The following TSHZ2 variants were observed in gnomAD, a reference collection of about 807,000 sequenced individuals.
TSHZ2 encodes the protein teashirt homolog 2.
Under a neutral mutation model 74.4 loss-of-function variants are expected in TSHZ2, and 21 were observed. That is an observed-to-expected ratio of 0.28 (90% CI 0.20 to 0.41). The LOEUF is 0.41. Among genes scored for constraint, TSHZ2 ranks in the 10% least tolerant of loss-of-function variants. The pLI is 1.00. For missense variants in TSHZ2, 1,244 were observed against 1,293.5 expected (o/e 0.96, Z 0.59); for synonymous variants, 540 against 515.3 (o/e 1.05, Z -0.65).
At chr20:53,301,778 G>T (rs1978330045) in intron 2 of TSHZ2, among the ~76,000 whole-genome samples, 1 of 152,130 alleles carries the variant, frequency 6.6e-6, no homozygotes. Flanking sequence ...CAACTTTCAG[G>T]TTTTTAAAAA....
chr20:53,212,915 C>T (rs1182619440), intron 1 of TSHZ2, among the ~76,000 whole-genome samples: 2 of 152,032 alleles, frequency 1.3e-5, no homozygotes, highest in Non-Finnish European at 2.9e-5. Context: ...TTGGGGCTTG[C>T]GTGGCATGCT....
At chr20:53,468,388 A>G (rs1168839227) in intron 2 of TSHZ2, among the ~76,000 whole-genome samples, 1 of 152,206 alleles carries the variant, frequency 6.6e-6, no homozygotes, top group African/African-American at 2.4e-5. Context: ...TTCTGCTGCC[A>G]TTGAAATCTT....
intron 2 of TSHZ2, among the ~76,000 whole-genome samples, chr20:53,469,552 G>T (rs1985691832): frequency 9.1e-6 from 1 of 109,524 alleles, no homozygotes; most frequent in Admixed American, 1.1e-4. Context: ...AAAGAAAGAA[G>T]GAGGGAAGGA....
At chr20:53,017,729 C>T (rs6022213) in intron 1 of TSHZ2, among the ~76,000 whole-genome samples, 40,672 of 151,954 alleles carry the variant, frequency 0.27, 6,331 homozygotes, top group East Asian at 0.52. Flanking sequence ...TGACATCACC[C>T]GCTTTGGGAA....
intron 1 of TSHZ2, among the ~76,000 whole-genome samples, chr20:53,156,853 G>T (rs1405360608): frequency 1.3e-5 from 2 of 152,208 alleles, no homozygotes; most frequent in Non-Finnish European, 2.9e-5. Context: ...GTTTCTGTAG[G>T]TAGGGGGAAA....
intron 2 of TSHZ2, among the ~76,000 whole-genome samples, chr20:53,383,749 G>A (rs567711775): frequency 6.6e-6 from 1 of 152,198 alleles, no homozygotes; most frequent in South Asian, 2.1e-4. Context: ...GACAGAGTGA[G>A]ACTCCGTCTC....
chr20:53,353,437 A>G (rs1980731475), intron 2 of TSHZ2, among the ~76,000 whole-genome samples: 1 of 152,266 alleles, frequency 6.6e-6, no homozygotes, highest in Admixed American at 6.5e-5. Flanking sequence ...TCATACCTAC[A>G]TAATGTTTTA....
intron 1 of TSHZ2, among the ~76,000 whole-genome samples, chr20:53,112,559 C>T (rs1986563271): frequency 6.6e-6 from 1 of 152,144 alleles, no homozygotes; most frequent in Non-Finnish European, 1.5e-5. Flanking sequence ...GACAGAGTCT[C>T]ACTCTGTTGC....
chr20:53,431,074 G>A lies in TSHZ2; in HGVS notation c.*9-56070G>A, dbSNP rs151049192. On this transcript the variant is annotated intron_variant, in intron 2 of 2. Coordinates refer to ENST00000371497, the MANE Select transcript of TSHZ2 (RefSeq NM_173485.6). ...ATTTAGTTTTTAATTCACATTTTACGATGTGGATAACTGAAATCCAGAACA... is the reference window on the plus strand; with the variant it reads ...ATTTAGTTTTTAATTCACATTTTACAATGTGGATAACTGAAATCCAGAACA... 3.5e-3 allele frequency among the ~76,000 whole-genome samples: 525 copies of A among 152,154 alleles called. 4 individuals carry two copies. Among genetic ancestry groups the A allele is most frequent in the Middle Eastern group, 0.024 (7 of 294 alleles).
chr20:53,360,627 A>G (rs569734315), intron 2 of TSHZ2, among the ~76,000 whole-genome samples: 5 of 152,364 alleles, frequency 3.3e-5, no homozygotes, highest in African/African-American at 1.2e-4. Context: ...AGACAGTCTT[A>G]CAATGTGCTA....
At chr20:53,312,544 A>G (rs1462966484) in intron 2 of TSHZ2, among the ~76,000 whole-genome samples, 1 of 152,188 alleles carries the variant, frequency 6.6e-6, no homozygotes, top group Non-Finnish European at 1.5e-5. Flanking sequence ...ATAGAGAGGG[A>G]AATGGAGTAG....
At chr20:53,395,163 T>G (rs896701573) in intron 2 of TSHZ2, among the ~76,000 whole-genome samples, 1 of 152,210 alleles carries the variant, frequency 6.6e-6, no homozygotes, top group Non-Finnish European at 1.5e-5. Flanking sequence ...TGAAATAATG[T>G]CTGAGAAAGC....
At chr20:52,993,194 C>T (rs1982056880) in intron 1 of TSHZ2, among the ~76,000 whole-genome samples, 2 of 152,114 alleles carry the variant, frequency 1.3e-5, no homozygotes, top group Admixed American at 1.3e-4. Flanking sequence ...AATTTAACCT[C>T]ATAAATTTAT....
chr20:53,011,007 A>G (rs1009218372), intron 1 of TSHZ2, among the ~76,000 whole-genome samples: 5 of 152,208 alleles, frequency 3.3e-5, no homozygotes, highest in African/African-American at 1.2e-4. Context: ...GGCCATTTAA[A>G]CAGAAATACT....
At chr20:53,329,818 GAA>G (rs959743063) in intron 2 of TSHZ2, among the ~76,000 whole-genome samples, 2 of 151,710 alleles carry the variant, frequency 1.3e-5, no homozygotes, top group African/African-American at 4.8e-5. Context: ...AAAAGAAAGA[GAA>G]AGAGAGAGAG....
At chr20:53,437,107 T>C (rs1364593625) in intron 2 of TSHZ2, among the ~76,000 whole-genome samples, 1 of 152,238 alleles carries the variant, frequency 6.6e-6, no homozygotes, top group East Asian at 1.9e-4. Context: ...TCACGTCTTA[T>C]ATGACATGTG....
chr20:53,345,138 G>T (rs780025301), intron 2 of TSHZ2, among the ~76,000 whole-genome samples: 1 of 152,228 alleles, frequency 6.6e-6, no homozygotes, highest in Non-Finnish European at 1.5e-5. Flanking sequence ...TGACATTTCA[G>T]TTGAGACTTG....
At chr20:53,090,336 C>T (rs1985842448) in intron 1 of TSHZ2, among the ~76,000 whole-genome samples, 1 of 152,176 alleles carries the variant, frequency 6.6e-6, no homozygotes, top group Non-Finnish European at 1.5e-5. Context: ...CCCCCAGAAA[C>T]AATACTTGGC....
intron 1 of TSHZ2, among the ~76,000 whole-genome samples, chr20:52,983,090 A>C (rs1981627243): frequency 6.6e-6 from 1 of 152,182 alleles, no homozygotes. Context: ...CCCAGCCTTC[A>C]TAGAGAGATT....
Sources: gnomAD v4.1 joint callset for allele counts (sites outside exome capture counted in the v4.1 genomes callset) on GRCh38, gnomAD v4.1.1 for gene constraint, MANE v1.5 for transcripts, NCBI Gene and HGNC (gene_info 2026-07-23, HGNC 2026-07-21) for gene names.